NRXN1: variants seen among roughly 807,000 people sequenced by gnomAD.
NRXN1 encodes the protein neurexin 1.
NRXN1 carries 39 observed loss-of-function variants against 150.9 expected under a neutral mutation model. The ratio of observed to expected loss-of-function variants is 0.26; its 90% CI spans 0.20 to 0.34. The LOEUF is 0.34. NRXN1 is among the 10% of genes least tolerant of loss of function. NRXN1 has a pLI of 1.00. For missense variants in NRXN1, 1,815 were observed against 1,949.9 expected (o/e 0.93, Z 1.30); for synonymous variants, 924 against 757.0 (o/e 1.22, Z -3.62).
intron 5 of NRXN1, among the ~76,000 whole-genome samples, chr2:50,627,682 T>C (rs1488627997): frequency 6.6e-6 from 1 of 151,406 alleles, no homozygotes; most frequent in African/African-American, 2.4e-5. Context: ...AATTTTACAT[T>C]CCCACTGAAT....
chr2:50,764,561 C>T (rs1341754237), intron 5 of NRXN1, among the ~76,000 whole-genome samples: 1 of 151,830 alleles, frequency 6.6e-6, no homozygotes, highest in African/African-American at 2.4e-5. Flanking sequence ...ATCTAAATTC[C>T]CCATGTGGTT....
chr2:49,955,608 T>C lies in NRXN1; in HGVS notation c.4129-11817A>G, dbSNP rs199747653. Among the ~76,000 whole-genome samples the C allele has an allele frequency of 3.2e-5, 4 of 124,538 alleles. No individual in the cohort carries two copies. In the East Asian group the frequency reaches 9.9e-4, roughly 31 times the overall value. 81.7% of individuals were successfully genotyped at this position (124,538 alleles called of 152,430 possible). ...AGAAAAACATAGTTAACTATCATTT[T>C]GGGTTTTTTTTTTACCTACATAATA... On this transcript the variant is annotated intron_variant, in intron 21 of 22. Transcript: ENST00000401669.
At chr2:50,295,837 T>G (rs1386536374) in intron 17 of NRXN1, among the ~76,000 whole-genome samples, 1 of 152,090 alleles carries the variant, frequency 6.6e-6, no homozygotes, top group Admixed American at 6.5e-5. Context: ...ACTGGGAAAA[T>G]TCTAAATTTT....
intron 19 of NRXN1, among the ~76,000 whole-genome samples, chr2:50,061,297 G>T (rs1311491536): frequency 6.6e-6 from 1 of 152,022 alleles, no homozygotes; most frequent in Non-Finnish European, 1.5e-5. Flanking sequence ...GATTGGGAAA[G>T]GTCAAAGGCA....
At chr2:50,524,262 T>TTA (rs1449195669) in intron 12 of NRXN1, among the ~76,000 whole-genome samples, 3 of 152,132 alleles carry the variant, frequency 2.0e-5, no homozygotes, top group Non-Finnish European at 4.4e-5. Flanking sequence ...ACAGATCACC[T>TTA]GAGGTCAGGA....
intron 17 of NRXN1, among the ~76,000 whole-genome samples, chr2:50,298,808 G>C (rs1486666641): frequency 6.6e-6 from 1 of 152,086 alleles, no homozygotes; most frequent in Non-Finnish European, 1.5e-5. Flanking sequence ...TATATTCCTT[G>C]CCTCTTGCAA....
intron 21 of NRXN1, among the ~76,000 whole-genome samples, chr2:50,026,859 C>CTTTCTTTT (rs1688381537): frequency 1.5e-5 from 1 of 65,234 alleles, no homozygotes; most frequent in Non-Finnish European, 2.7e-5. Flanking sequence ...CTTTTCTTTT[C>CTTTCTTTT]TTTTTTTTTT....
At chr2:50,913,385 A>T (rs1684796259) in intron 5 of NRXN1, among the ~76,000 whole-genome samples, 1 of 151,750 alleles carries the variant, frequency 6.6e-6, no homozygotes, top group Admixed American at 6.6e-5. Flanking sequence ...GAGTAATTTA[A>T]TTTTCTCCAA....
chr2:50,553,717 G>A (rs1667842907), intron 8 of NRXN1, among the ~76,000 whole-genome samples: 1 of 152,182 alleles, frequency 6.6e-6, no homozygotes, highest in Non-Finnish European at 1.5e-5. Context: ...TGTGTTACTG[G>A]TGATCCATTT....
At chr2:50,026,855 T>TTCTC in intron 21 of NRXN1, among the ~76,000 whole-genome samples, 1 of 131,286 alleles carries the variant, frequency 7.6e-6, no homozygotes, top group East Asian at 2.1e-4. Flanking sequence ...AAGTCTTTTC[T>TTCTC]TTTCTTTTTT....
intron 5 of NRXN1, among the ~76,000 whole-genome samples, chr2:50,859,838 TTGTGTGTG>T (rs58904379): frequency 0.037 from 5,514 of 147,626 alleles, 172 homozygotes; most frequent in East Asian, 0.091. Context: ...ACAATTATGT[TTGTGTGTG>T]TGTGTGTGTG....
At chr2:51,025,894 A>T (rs1417124310) in intron 2 of NRXN1, among the ~76,000 whole-genome samples, 1 of 152,218 alleles carries the variant, frequency 6.6e-6, no homozygotes, top group East Asian at 1.9e-4. Context: ...TACCTAAGCC[A>T]AAATATAATG....
At chr2:50,340,972 C>G (rs2077509094) in intron 17 of NRXN1, among the ~76,000 whole-genome samples, 1 of 152,150 alleles carries the variant, frequency 6.6e-6, no homozygotes, top group Non-Finnish European at 1.5e-5. Flanking sequence ...AAGACCAAGC[C>G]TCTAATCCCA....
intron 8 of NRXN1, among the ~76,000 whole-genome samples, chr2:50,573,941 A>G (rs894897601): frequency 2.0e-5 from 3 of 152,054 alleles, no homozygotes; most frequent in African/African-American, 7.2e-5. Flanking sequence ...AGTAACTACA[A>G]ATTTTGCCAT....
intron 17 of NRXN1, among the ~76,000 whole-genome samples, chr2:50,310,332 C>T (rs193067836): frequency 2.0e-5 from 3 of 152,106 alleles, no homozygotes; most frequent in African/African-American, 7.2e-5. Context: ...TCATAGAAAA[C>T]CAAAGTTGCA....
chr2:50,581,819 C>T (rs1558969300), intron 8 of NRXN1, among the ~76,000 whole-genome samples: 1 of 152,088 alleles, frequency 6.6e-6, no homozygotes. Context: ...AATAAAGTAA[C>T]TGATTTATCC....
chr2:50,650,852 G>A (rs902425440), intron 5 of NRXN1, among the ~76,000 whole-genome samples: 6 of 151,974 alleles, frequency 3.9e-5, no homozygotes, highest in Non-Finnish European at 7.4e-5. Context: ...GCACTGTCTA[G>A]CTTAAAATGT....
chr2:50,037,131 T>A (rs970960965), intron 21 of NRXN1, among the ~76,000 whole-genome samples: 1 of 152,172 alleles, frequency 6.6e-6, no homozygotes, highest in Non-Finnish European at 1.5e-5. Context: ...AATATCTTTA[T>A]TTTGGTTAAC....
At chr2:50,878,666 A>G (rs1317807077) in intron 5 of NRXN1, among the ~76,000 whole-genome samples, 1 of 151,920 alleles carries the variant, frequency 6.6e-6, no homozygotes, top group African/African-American at 2.4e-5. Flanking sequence ...ATTCCTTTGT[A>G]TGTTTCCCTT....
Sources: allele counts gnomAD v4.1 joint callset (sites outside exome capture counted in the v4.1 genomes callset), GRCh38; gene constraint gnomAD v4.1.1; transcripts MANE v1.5; gene names NCBI Gene and HGNC (gene_info 2026-07-23, HGNC 2026-07-21).